Variants in LRP1B observed in about 807,000 individuals in gnomAD.
LRP1B encodes the protein low-density lipoprotein receptor-related protein 1B.
A neutral mutation model predicts 556.6 loss-of-function variants in LRP1B; 217 were observed. That is an observed-to-expected ratio of 0.39 (90% CI 0.35 to 0.44). The LOEUF is 0.44. Ranked by LOEUF, LRP1B falls within the 20% of genes least tolerant of loss-of-function variation. The pLI is 1.00. For missense variants in LRP1B, 5,053 were observed against 5,620.8 expected (o/e 0.90, Z 3.23); for synonymous variants, 2,047 against 1,865.8 (o/e 1.10, Z -2.50).
intron 2 of LRP1B, among the ~76,000 whole-genome samples, chr2:141,642,313 A>G (rs1013620133): frequency 6.6e-5 from 10 of 152,156 alleles, no homozygotes; most frequent in African/African-American, 2.4e-4. Context: ...GTAGCAGCCC[A>G]TTCTTGTCAT....
intron 65 of LRP1B, among the ~76,000 whole-genome samples, chr2:140,443,081 C>T (rs565310327): frequency 7.9e-5 from 12 of 152,152 alleles, no homozygotes; most frequent in Admixed American, 2.6e-4. Context: ...TTTACATATA[C>T]GTGGAGTCTT....
At chr2:141,946,595 T>C (rs1175727198) in intron 1 of LRP1B, among the ~76,000 whole-genome samples, 4 of 152,172 alleles carry the variant, frequency 2.6e-5, no homozygotes, top group Non-Finnish European at 5.9e-5. Context: ...ACAAGGTGTG[T>C]GACAGGTGAA....
At chr2:141,938,437 G>A (rs1045672988) in intron 1 of LRP1B, among the ~76,000 whole-genome samples, 17 of 152,050 alleles carry the variant, frequency 1.1e-4, no homozygotes, top group Non-Finnish European at 2.5e-4. Context: ...GAAGATAAGA[G>A]ATAAATGTTG....
chr2:141,010,560 G>A (rs1697711174), intron 14 of LRP1B, among the ~76,000 whole-genome samples: 2 of 151,628 alleles, frequency 1.3e-5, no homozygotes, highest in African/African-American at 4.8e-5. Flanking sequence ...TGTAACTCAG[G>A]CTGGAGTGCA....
chr2:141,788,638 C>T (rs539472152), intron 2 of LRP1B, among the ~76,000 whole-genome samples: 2 of 151,970 alleles, frequency 1.3e-5, no homozygotes, highest in South Asian at 2.1e-4. Flanking sequence ...CCTGTTAACT[C>T]ATCATTTAAC....
intron 2 of LRP1B, among the ~76,000 whole-genome samples, chr2:141,591,690 A>G (rs961008393): frequency 6.6e-6 from 1 of 151,858 alleles, no homozygotes; most frequent in Non-Finnish European, 1.5e-5. Flanking sequence ...TTAGTTCTCA[A>G]TTTATGCCAC....
chr2:140,938,143 CT>C (rs1005264693), intron 20 of LRP1B, among the ~76,000 whole-genome samples: 48 of 147,656 alleles, frequency 3.3e-4, no homozygotes, highest in African/African-American at 1.0e-3. Context: ...TTGCTGAGAC[CT>C]TTTCCTCATC....
At chr2:140,235,262 A>G (rs1680646423) in intron 89 of LRP1B, among the ~76,000 whole-genome samples, 2 of 151,270 alleles carry the variant, frequency 1.3e-5, no homozygotes, top group African/African-American at 4.8e-5. Flanking sequence ...AATTTTATTA[A>G]CTGCATTAAG....
chr2:141,678,064 G>A (rs1690955193), intron 2 of LRP1B, among the ~76,000 whole-genome samples: 1 of 152,094 alleles, frequency 6.6e-6, no homozygotes, highest in African/African-American at 2.4e-5. Flanking sequence ...TGAGGAATAA[G>A]GATATTCAAA....
chr2:140,314,688 TTATC>T (rs1460153135), intron 83 of LRP1B, among the ~76,000 whole-genome samples: 4 of 152,178 alleles, frequency 2.6e-5, no homozygotes, highest in Admixed American at 2.6e-4. Context: ...CAGGGGCAAA[TTATC>T]TATAAACACT....
intron 7 of LRP1B, among the ~76,000 whole-genome samples, chr2:141,108,227 A>G (rs1285346973): frequency 6.6e-6 from 1 of 152,108 alleles, no homozygotes; most frequent in Non-Finnish European, 1.5e-5. Context: ...ACAATCCAGA[A>G]TCTCCAATAA....
chr2:142,053,127 A>G (rs1425831428), intron 1 of LRP1B, among the ~76,000 whole-genome samples: 1 of 152,204 alleles, frequency 6.6e-6, no homozygotes, highest in Non-Finnish European at 1.5e-5. Context: ...AAAAAGTGTT[A>G]TGTTGGTTGC....
intron 20 of LRP1B, among the ~76,000 whole-genome samples, chr2:140,935,953 C>T (rs1377324308): frequency 2.0e-5 from 3 of 151,334 alleles, no homozygotes; most frequent in African/African-American, 4.9e-5. Context: ...CACACATATA[C>T]ATACATATAC....
At chr2:140,590,915 A>G (rs532581757) in intron 43 of LRP1B, among the ~76,000 whole-genome samples, 51 of 152,302 alleles carry the variant, frequency 3.3e-4, no homozygotes, top group African/African-American at 1.2e-3. Flanking sequence ...AAATCTCCCC[A>G]TGGAAAAATA....
At chr2:141,380,164 G>A (rs79282497) in intron 3 of LRP1B, among the ~76,000 whole-genome samples, 7,358 of 151,844 alleles carry the variant, frequency 0.048, 216 homozygotes, top group South Asian at 0.08. Flanking sequence ...AGAACAAAGC[G>A]GCAGTTTTGA....
At chr2:141,518,634 G>A (rs11676162) in intron 2 of LRP1B, among the ~76,000 whole-genome samples, 91,996 of 151,960 alleles carry the variant, frequency 0.61, 28,157 homozygotes, top group South Asian at 0.7. Context: ...CACTTCCAAC[G>A]TGAGTGGTGA....
intron 1 of LRP1B, among the ~76,000 whole-genome samples, chr2:141,881,244 G>A (rs904749858): frequency 2.0e-5 from 3 of 152,068 alleles, no homozygotes; most frequent in African/African-American, 7.2e-5. Flanking sequence ...AAGTAGAGAT[G>A]CCTCTCTGAA....
At chr2:141,146,575 C>T (rs1407370313) in intron 7 of LRP1B, among the ~76,000 whole-genome samples, 1 of 152,152 alleles carries the variant, frequency 6.6e-6, no homozygotes. Context: ...TGATTAGGCA[C>T]ATGTAGAATA....
chr2:141,867,016 G>C (rs1698434175), intron 1 of LRP1B, among the ~76,000 whole-genome samples: 1 of 152,088 alleles, frequency 6.6e-6, no homozygotes, highest in Non-Finnish European at 1.5e-5. Flanking sequence ...CCTTCCATTA[G>C]TCTATTTAGG....
Sources: gnomAD v4.1 joint callset for allele counts (sites outside exome capture counted in the v4.1 genomes callset) on GRCh38, gnomAD v4.1.1 for gene constraint, MANE v1.5 for transcripts, NCBI Gene and HGNC (gene_info 2026-07-23, HGNC 2026-07-21) for gene names.